The following RNF150 variants were observed in gnomAD, a reference collection of about 807,000 sequenced individuals.
The protein encoded by RNF150 is ring finger protein 150.
RNF150 carries 24 observed loss-of-function variants against 39.3 expected under a neutral mutation model. That is an observed-to-expected ratio of 0.61 (90% CI 0.44 to 0.86). The LOEUF is 0.86. Ranked by LOEUF, RNF150 falls within the 40% of genes least tolerant of loss-of-function variation. RNF150 has a pLI of 0.00. For missense variants in RNF150, 502 were observed against 587.8 expected (o/e 0.85, Z 1.51); for synonymous variants, 255 against 227.3 (o/e 1.12, Z -1.10).
chr4:141,193,632 A>G (rs955761045), intron 1 of RNF150, among the ~76,000 whole-genome samples: 2 of 152,140 alleles, frequency 1.3e-5, no homozygotes, highest in Non-Finnish European at 2.9e-5. Flanking sequence ...TGACAAAAAC[A>G]TCTTCTGCCT....
At chr4:141,204,060 G>T (rs905943488) in intron 1 of RNF150, among the ~76,000 whole-genome samples, 7 of 152,150 alleles carry the variant, frequency 4.6e-5, no homozygotes, top group African/African-American at 1.4e-4. Flanking sequence ...AGACTGGGGT[G>T]TTGGGCTAGG....
At chr4:140,989,315 CA>C (rs899094527) in intron 1 of RNF150, among the ~76,000 whole-genome samples, 1 of 150,662 alleles carries the variant, frequency 6.6e-6, no homozygotes, top group Middle Eastern at 3.4e-3. Flanking sequence ...TCTGCTCATT[CA>C]AAAAAAAAGT....
intron 1 of RNF150, among the ~76,000 whole-genome samples, chr4:141,028,050 A>G (rs186203811): frequency 6.8e-6 from 1 of 147,150 alleles, no homozygotes; most frequent in Non-Finnish European, 1.5e-5. Flanking sequence ...GGCTGAGAAT[A>G]CTCTGCTACT....
At chr4:140,878,174 T>G (rs1041976294) in intron 6 of RNF150, among the ~76,000 whole-genome samples, 1 of 147,602 alleles carries the variant, frequency 6.8e-6, no homozygotes, top group Non-Finnish European at 1.5e-5. Context: ...GTTTTTTTTT[T>G]TTTTTTTTTT....
At chr4:140,883,286 G>T (rs1729443336) in intron 6 of RNF150, among the ~76,000 whole-genome samples, 1 of 152,026 alleles carries the variant, frequency 6.6e-6, no homozygotes, top group Admixed American at 6.6e-5. Context: ...AATTAAAAGT[G>T]ATTTATGTAC....
chr4:140,929,119 C>T (rs1401830032), intron 4 of RNF150, among the ~76,000 whole-genome samples: 1 of 152,138 alleles, frequency 6.6e-6, no homozygotes, highest in African/African-American at 2.4e-5. Context: ...CAGGGCTCTG[C>T]TGTTTTCTGC....
intron 1 of RNF150, among the ~76,000 whole-genome samples, chr4:141,120,782 G>A (rs1241567012): frequency 6.6e-6 from 1 of 152,194 alleles, no homozygotes; most frequent in Non-Finnish European, 1.5e-5. Flanking sequence ...AGAGGGCCCT[G>A]AGGACAATGG....
At chr4:140,956,334 T>C (rs1732752802) in intron 2 of RNF150, among the ~76,000 whole-genome samples, 1 of 152,056 alleles carries the variant, frequency 6.6e-6, no homozygotes, top group African/African-American at 2.4e-5. Context: ...GCAGCAGAAG[T>C]GGCACCTCTA....
intron 6 of RNF150, among the ~76,000 whole-genome samples, chr4:140,892,645 A>T (rs1012017361): frequency 2.7e-5 from 4 of 150,904 alleles, no homozygotes; most frequent in Admixed American, 6.6e-5. Flanking sequence ...TGGGTTAGGG[A>T]GTCTGGGTGA....
Position 141,132,222 on chromosome 4 carries a change from G to A in RNF150, c.484+103C>T, listed in dbSNP as rs1293035611. The A allele has an allele frequency of 1.5e-5, 19 of 1,241,852 alleles. No individual in the cohort carries two copies. The highest frequency in any genetic ancestry group is 2.1e-5 in the Non-Finnish European group (19 of 893,592). 76.9% of individuals were successfully genotyped at this position (1,241,852 alleles called of 1,614,324 possible). The stretch of plus-strand genomic sequence containing the variant: ...CAGGGAACCCAGACACGTCTTCCGC[G>A]CCGCACGGACTTCCCAGAAGGAGCC... On this transcript the variant is annotated intron_variant, in intron 1 of 6. Coordinates refer to ENST00000515673, the MANE Select transcript of RNF150 (RefSeq NM_020724.2). The surrounding 1 kb of genome is among the most constrained non-coding windows in gnomAD (Gnocchi z 4.9).
intron 1 of RNF150, among the ~76,000 whole-genome samples, chr4:141,042,254 T>C (rs1193531334): frequency 6.6e-6 from 1 of 152,092 alleles, no homozygotes; most frequent in Non-Finnish European, 1.5e-5. Context: ...AGTCTTCTTG[T>C]ATAAAATGTG....
At chr4:141,165,443 C>A (rs546633019) in intron 1 of RNF150, among the ~76,000 whole-genome samples, 1 of 152,284 alleles carries the variant, frequency 6.6e-6, no homozygotes, top group African/African-American at 2.4e-5. Context: ...CTGGACCAAG[C>A]AGACCTAATA....
chr4:141,180,242 C>T (rs1393518918), intron 1 of RNF150, among the ~76,000 whole-genome samples: 1 of 152,164 alleles, frequency 6.6e-6, no homozygotes, highest in Non-Finnish European at 1.5e-5. Context: ...TTCCCAGCAA[C>T]CTATTCTCAT....
At chr4:140,905,568 T>C (rs901742305) in intron 6 of RNF150, among the ~76,000 whole-genome samples, 16 of 152,146 alleles carry the variant, frequency 1.1e-4, no homozygotes, top group Non-Finnish European at 7.4e-5. Context: ...GATGGGGTAA[T>C]TGGTAAAGAA....
intron 1 of RNF150, among the ~76,000 whole-genome samples, chr4:141,000,281 T>C (rs1734619528): frequency 6.6e-6 from 1 of 152,102 alleles, no homozygotes; most frequent in Non-Finnish European, 1.5e-5. Flanking sequence ...CAGAGCAAAA[T>C]GTTATATGCA....
chr4:140,982,882 T>G lies in RNF150; in HGVS notation c.485-15009A>C, dbSNP rs562715614. On this transcript the variant is annotated intron_variant, in intron 1 of 6. Transcript: ENST00000515673. ...AGGCTATCTCATCAGCTGTAGTCAG[T>G]GTGTTTCTGGGGCAATAAGGTTAAA... Among the ~76,000 whole-genome samples the G allele has an allele frequency of 2.0e-5, 3 of 152,198 alleles. No homozygotes were observed. The East Asian group carries it at 5.8e-4, about 30-fold the overall frequency.
intron 1 of RNF150, among the ~76,000 whole-genome samples, chr4:140,978,748 G>A (rs1424506038): frequency 6.6e-6 from 1 of 152,026 alleles, no homozygotes; most frequent in Non-Finnish European, 1.5e-5. Flanking sequence ...CACCTGTAGG[G>A]TTTTCTTAGA....
intron 1 of RNF150, among the ~76,000 whole-genome samples, chr4:141,109,376 A>G (rs1739314628): frequency 6.6e-6 from 1 of 152,062 alleles, no homozygotes; most frequent in East Asian, 1.9e-4. Flanking sequence ...GTTGGTACAA[A>G]GGAGCCAAGG....
chr4:140,949,399 TA>T, intron 2 of RNF150, 27 bp from the exon 3 acceptor site: 1 of 1,598,668 alleles, frequency 6.3e-7, no homozygotes, highest in Non-Finnish European at 8.6e-7. Flanking sequence ...TGCTTGTTAA[TA>T]ATAAAGATCT....
Sources: gnomAD v4.1 joint callset for allele counts (sites outside exome capture counted in the v4.1 genomes callset) on GRCh38, gnomAD v4.1.1 for gene constraint, Gnocchi (gnomAD v3.1) non-coding constraint, MANE v1.5 for transcripts, NCBI Gene and HGNC (gene_info 2026-07-23, HGNC 2026-07-21) for gene names.